Variants in TACC2 observed in about 807,000 individuals in gnomAD.
The protein encoded by TACC2 is transforming acidic coiled-coil-containing protein 2.
In TACC2, 137 loss-of-function variants were observed where a neutral mutation model predicts 227.3. That is an observed-to-expected ratio of 0.60 (90% CI 0.52 to 0.69). The LOEUF (loss-of-function observed/expected upper bound fraction) is 0.69, where lower values mean the gene tolerates loss of function less well. Ranked by LOEUF, TACC2 falls within the 30% of genes least tolerant of loss-of-function variation. The pLI is 0.00. For missense variants in TACC2, 3,470 were observed against 3,694.4 expected (o/e 0.94, Z 1.57); for synonymous variants, 1,523 against 1,487.5 (o/e 1.02, Z -0.55).
At chr10:122,143,284 T>C (rs1434382008) in intron 6 of TACC2, among the ~76,000 whole-genome samples, 3 of 152,160 alleles carry the variant, frequency 2.0e-5, no homozygotes, top group Admixed American at 6.5e-5. Context: ...AAAACTCACA[T>C]AGCGTGTCCT....
At chr10:122,082,595 T>C in intron 3 of TACC2, 52 bp from the exon 4 acceptor site, 1 of 1,552,010 alleles carries the variant, frequency 6.4e-7, no homozygotes. Context: ...GCCTGCAGTG[T>C]GGCTCTGTCC....
At chr10:122,226,510 C>T in intron 13 of TACC2, 29 bp downstream of exon 13, 1 of 1,498,306 alleles carries the variant, frequency 6.7e-7, no homozygotes, top group Non-Finnish European at 9.3e-7. Context: ...GAGAGTTACA[C>T]ATCATGCTGG....
intron 2 of TACC2, among the ~76,000 whole-genome samples, chr10:122,035,939 A>G (rs1012379984): frequency 2.6e-5 from 4 of 152,040 alleles, no homozygotes; most frequent in Admixed American, 6.6e-5. Flanking sequence ...CAGCCTCCCT[A>G]GTAGCTAGGA....
Position 122,087,847 on chromosome 10 carries a change from C to G in TACC2, c.5347C>G (p.Arg1783Gly), listed in dbSNP as rs369320771. The change falls in exon 4 of 23, where the codon CGC (arginine) becomes GGC (glycine). Residue 1783 changes from arginine (R) to glycine (G), a missense_variant. By Grantham distance (125) the Arg-to-Gly change is moderately radical. Coordinates refer to ENST00000369005, the MANE Select transcript of TACC2 (RefSeq NM_206862.4). The stretch of plus-strand genomic sequence containing the variant: ...GGCTAAGGAGCAGCCAGGGCCTGAG[C>G]GCCCCATTCCAGCTGGGGATGGGAA... ...QQAKEQPGPE[R>G]PIPAGDGKVC... The G allele has an allele frequency of 3.6e-5, 55 of 1,526,650 alleles. No individual in the cohort carries two copies. The highest frequency in any genetic ancestry group is 5.5e-5 in the African/African-American group (4 of 72,264). The allele number at this position is 1,526,650 out of a possible 1,614,324, so 94.6% of individuals were successfully genotyped here.
rs1272254096 is a variant in TACC2, at chr10:122,075,199, A to AG, written c.147-7448_147-7447insG. On this transcript the variant is annotated intron_variant, in intron 3 of 22. Transcript: ENST00000369005. ...ATAAATCTTGCTGCCAAAAAAAAAAAAAAAGAAAGAAAGAAAGAAAGTCAG... is the reference window on the plus strand; with the variant it reads ...ATAAATCTTGCTGCCAAAAAAAAAAAGAAAAGAAAGAAAGAAAGAAAGTCAG... Among the ~76,000 whole-genome samples the AG allele has an allele frequency of 3.7e-4, 43 of 115,546 alleles. No homozygotes were observed. In the South Asian group the frequency reaches 0.01, roughly 27 times the overall value. The allele number at this position is 115,546 out of a possible 152,430, so 75.8% of individuals were successfully genotyped here. A position where few individuals can be genotyped will look rare whatever the true frequency, so the allele number is the denominator to read the frequency against.
At chr10:122,159,302 C>A (rs962334828) in intron 7 of TACC2, among the ~76,000 whole-genome samples, 2 of 152,160 alleles carry the variant, frequency 1.3e-5, no homozygotes, top group African/African-American at 4.8e-5. Context: ...GGCAGTGTGT[C>A]CTTTGGGGAC....
In TACC2 at chr10:122,216,642, G is replaced by A. The variant is rs1168974129; in HGVS notation, c.7360G>A (p.Ala2454Thr). The change falls in exon 11 of 23, where the codon GCT becomes ACT. Residue 2454 changes from alanine (A) to threonine (T), a missense_variant. This residue lies in a region of TACC2 where 593 missense variants were observed against 636.6 expected (regional missense o/e 0.93). Coordinates refer to ENST00000369005, the MANE Select transcript of TACC2 (RefSeq NM_206862.4). ...CTCTTTGCAGGACCCCACCCCAGCT[G>A]CTACACCAGAAACACCACCAGTGAT... ...DPPSQDPTPA[A>T]TPETPPVISA... 6.2e-7 allele frequency: 1 copy of A among 1,613,838 alleles called. No individual in the cohort carries two copies.
chr10:122,156,373 G>A (rs1298658525), intron 7 of TACC2, among the ~76,000 whole-genome samples: 3 of 150,570 alleles, frequency 2.0e-5, no homozygotes, highest in Non-Finnish European at 3.0e-5. Context: ...ACAGGCACTC[G>A]CCACCATGCC....
intron 16 of TACC2, 59 bp downstream of exon 16, chr10:122,230,499 C>A: frequency 6.7e-7 from 1 of 1,495,322 alleles, no homozygotes; most frequent in Non-Finnish European, 9.3e-7. Flanking sequence ...CCGCTGGGGT[C>A]CAGAAGCTGC....
chr10:121,989,953 A>G (rs1952962104), intron 1 of TACC2, among the ~76,000 whole-genome samples: 1 of 151,904 alleles, frequency 6.6e-6, no homozygotes, highest in African/African-American at 2.4e-5. Context: ...CCACCTCGAC[A>G]CTTTCTTCCT....
At chr10:122,053,625 G>A (rs1021726434) in intron 3 of TACC2, among the ~76,000 whole-genome samples, 8 of 152,112 alleles carry the variant, frequency 5.3e-5, no homozygotes, top group Non-Finnish European at 1.0e-4. Context: ...AATCTTTGGC[G>A]AGGCTTTGGG....
intron 1 of TACC2, 146 bp from the exon 2 acceptor site, chr10:122,021,791 C>A: frequency 1.7e-6 from 1 of 591,810 alleles, no homozygotes; most frequent in Non-Finnish European, 3.0e-6. Flanking sequence ...CGAAAGAAAA[C>A]CCTTCAAAAG....
chr10:122,058,939 A>C (rs1318053435), intron 3 of TACC2, among the ~76,000 whole-genome samples: 1 of 141,824 alleles, frequency 7.1e-6, no homozygotes, highest in Admixed American at 7.1e-5. Flanking sequence ...GGTGTCCATG[A>C]TGGAGTGCAG....
At chr10:122,155,323 C>T (rs1178962064) in intron 7 of TACC2, among the ~76,000 whole-genome samples, 1 of 152,178 alleles carries the variant, frequency 6.6e-6, no homozygotes, top group Non-Finnish European at 1.5e-5. Context: ...CTTAAAAGGC[C>T]TTTTATTCCT....
chr10:122,033,221 A>G, intron 2 of TACC2: 2 of 1,097,264 alleles, frequency 1.8e-6, no homozygotes, highest in Non-Finnish European at 1.2e-6. Context: ...GATGGTTGCA[A>G]ACATTTGGTG....
intron 7 of TACC2, among the ~76,000 whole-genome samples, chr10:122,189,755 G>T (rs925458179): frequency 1.3e-5 from 2 of 152,200 alleles, no homozygotes; most frequent in African/African-American, 4.8e-5. Context: ...ATAAACTTTA[G>T]ATTTCCAGGA....
At chr10:122,108,445 T>C (rs2083177234) in intron 5 of TACC2, among the ~76,000 whole-genome samples, 1 of 84,702 alleles carries the variant, frequency 1.2e-5, no homozygotes, top group East Asian at 3.1e-4. Flanking sequence ...ATATTTTCTT[T>C]TTTTTTTTTT....
rs758476678 is a variant in TACC2 at position 122,031,397 on chromosome 10, CTTTTTTTTTTT to C, written c.33+9398_33+9408del. Among the ~76,000 whole-genome samples the C allele has an allele frequency of 3.3e-5, 3 of 91,738 alleles. 1 individual carries two copies. Among genetic ancestry groups the C allele is most frequent in the African/African-American group, 9.5e-5 (2 of 20,986 alleles). 60.2% of individuals were successfully genotyped at this position (91,738 alleles called of 152,430 possible). On this transcript the variant is annotated intron_variant, in intron 2 of 22. Transcript: ENST00000369005. ...CTTCTTCCGGCCAATGGTCTAGCCT[CTTTTTTTTTTT>C]TTTTTTTTTTTTTTGAGATGGAGTC...
intron 3 of TACC2, among the ~76,000 whole-genome samples, chr10:122,061,686 G>T (rs7908656): frequency 0.033 from 4,992 of 152,244 alleles, 252 homozygotes; most frequent in African/African-American, 0.11. Context: ...CACACTACAG[G>T]TCAAGCTCTG....
Sources: gnomAD v4.1 joint callset for allele counts (sites outside exome capture counted in the v4.1 genomes callset) on GRCh38, gnomAD v4.1.1 for gene constraint, gnomAD v4.1.1 regional missense constraint, MANE v1.5 for transcripts, NCBI Gene and HGNC (gene_info 2026-07-23, HGNC 2026-07-21) for gene names.